The following NKAP variants were observed in gnomAD, a reference collection of about 807,000 sequenced individuals.
The protein encoded by NKAP is NFKB activating protein.
NKAP carries 4 observed loss-of-function variants against 35.6 expected under a neutral mutation model. The ratio of observed to expected loss-of-function variants is 0.11; its 90% confidence interval spans 0.06 to 0.26. The LOEUF is 0.26. Ranked by LOEUF, NKAP falls within the 10% of genes least tolerant of loss-of-function variation. NKAP has a pLI of 1.00. For synonymous variants in NKAP, 106 were observed against 119.2 expected, an observed-to-expected ratio of 0.89 and a Z score of 0.72; for missense variants, 238 against 321.9, an observed-to-expected ratio of 0.74 and a Z score of 1.99.
chrX:119,939,549 C>T (rs2056782378), intron 1 of NKAP, among the ~76,000 whole-genome samples: 3 of 111,280 alleles, frequency 2.7e-5, no homozygotes, highest in African/African-American at 9.8e-5. Context: ...GCTGGGATTA[C>T]AGGCGTGAGC....
At chrX:119,939,581 A>G (rs751043915) in intron 1 of NKAP, among the ~76,000 whole-genome samples, 1 of 111,432 alleles carries the variant, frequency 9.0e-6, no homozygotes, top group East Asian at 2.9e-4. Flanking sequence ...GCCCGAAATA[A>G]AAGTTTTTTA....
intron 1 of NKAP, 127 bp downstream of exon 1, chrX:119,943,093 G>A (rs2056801184): frequency 1.1e-6 from 1 of 881,809 alleles, no homozygotes; most frequent in African/African-American, 2.0e-5. Flanking sequence ...ATTAAAGAAA[G>A]GGATGAAAAT....
chrX:119,938,576 T>A (rs1250375694), intron 2 of NKAP, among the ~76,000 whole-genome samples, 154 bp downstream of exon 2: 4 of 112,565 alleles, frequency 3.6e-5, no homozygotes, highest in African/African-American at 1.3e-4. Context: ...AGATATGTTC[T>A]ATGTTTTTAA....
At chrX:119,939,851 A>G (rs1158150807) in intron 1 of NKAP, among the ~76,000 whole-genome samples, 1 of 108,248 alleles carries the variant, frequency 9.2e-6, no homozygotes, top group Non-Finnish European at 1.9e-5. Context: ...GTGAGCCAAG[A>G]TCGCACCACT....
intron 5 of NKAP, chrX:119,932,455 TA>T (rs60446056): frequency 0.084 from 14,281 of 169,573 alleles, 9 homozygotes; most frequent in East Asian, 0.12. Context: ...CCGTCTCTAT[TA>T]AAAAAAAAAA....
intron 5 of NKAP, chrX:119,932,538 G>A (rs1470143057): frequency 6.9e-6 from 1 of 145,734 alleles, no homozygotes; most frequent in Non-Finnish European, 1.3e-5. Flanking sequence ...AGGATCACTT[G>A]AGCCCAGGAG....
chrX:119,932,034 C>T (rs760497995), intron 6 of NKAP, 23 bp from the exon 7 acceptor site: 591 of 1,182,721 alleles, frequency 5.0e-4, no homozygotes, highest in Admixed American at 7.5e-4. Context: ...TATTAAGAAA[C>T]ACATTCACAT....
chrX:119,939,574 C>T (rs765816542), intron 1 of NKAP, among the ~76,000 whole-genome samples: 3 of 111,128 alleles, frequency 2.7e-5, no homozygotes, highest in South Asian at 7.5e-4. Context: ...GCACCGGGCC[C>T]GAAATAAAAG....
chrX:119,932,873 A>G (rs1603380052), intron 5 of NKAP: 1 of 110,198 alleles, frequency 9.1e-6, no homozygotes, highest in African/African-American at 3.3e-5. Flanking sequence ...GGTATGGGGA[A>G]AGTGGGGGCA....
chrX:119,930,280 A>G, intron 7 of NKAP, 115 bp from the exon 8 acceptor site: 1 of 725,314 alleles, frequency 1.4e-6, no homozygotes, highest in Non-Finnish European at 2.0e-6. Context: ...AAGAGTAGGA[A>G]TAACAGTGCT....
At chrX:119,936,839 C>CA in intron 2 of NKAP, 157 bp from the exon 3 acceptor site, 1 of 421,869 alleles carries the variant, frequency 2.4e-6, no homozygotes, top group South Asian at 4.2e-5. Context: ...ACTTGGGAAT[C>CA]AAAAAAACCA....
At chrX:119,931,478 C>T (rs981727119) in intron 7 of NKAP, among the ~76,000 whole-genome samples, 2 of 111,132 alleles carry the variant, frequency 1.8e-5, no homozygotes, top group Non-Finnish European at 3.8e-5. Flanking sequence ...TAAACTCCAG[C>T]CTGGGCAACA....
chrX:119,943,101 A>G, intron 1 of NKAP, 119 bp downstream of exon 1: 1 of 955,900 alleles, frequency 1.0e-6, no homozygotes, highest in South Asian at 2.4e-5. Flanking sequence ...AAGGGATGAA[A>G]ATGGGCGCAA....
Position 119,943,357 on chromosome X carries a change from C to G in NKAP, c.249G>C (p.Arg83=). The change falls in exon 1 of 9, where the codon CGG becomes CGC. Residue 83 remains arginine, a synonymous_variant. Coordinates refer to ENST00000371410, the MANE Select transcript of NKAP (RefSeq NM_024528.4). The part of the protein sequence containing the change: ...RSRSRSRSRE[R]PSAPRGIPFA... ...AGGGGATGCCCCGGGGCGCAGAGGG[C>G]CGCTCTCTAGAACGCGACCGCGAGC... 8.2e-7 allele frequency: 1 copy of G among 1,212,137 alleles called. No homozygotes were observed. The highest frequency in any genetic ancestry group is 1.1e-6 in the Non-Finnish European group (1 of 895,489).
intron 7 of NKAP, among the ~76,000 whole-genome samples, chrX:119,930,819 A>AAAAAC (rs1210394209): frequency 1.0e-5 from 1 of 97,743 alleles, no homozygotes; most frequent in Non-Finnish European, 2.0e-5. Context: ...CTTTGTCTCA[A>AAAAAC]AAAACAAAAC....
Position 119,925,174 on chromosome X carries a change from T to G in NKAP, c.*46A>C. On this transcript the variant is annotated 3_prime_UTR_variant, in exon 9 of 9. Transcript: ENST00000371410. ...TTCTATGTATGTGTGGAACCCAGAC[T>G]TTCTTTTTTGTTGTTAAAAATGTCT... is the stretch of plus-strand genomic sequence containing the variant. The G allele has an allele frequency of 1.7e-6, 2 of 1,176,113 alleles. No individual in the cohort carries two copies. The highest frequency in any genetic ancestry group is 2.3e-6 in the Non-Finnish European group (2 of 872,647).
At chrX:119,927,625 A>T (rs194297) in intron 8 of NKAP, among the ~76,000 whole-genome samples, 17 of 111,049 alleles carry the variant, frequency 1.5e-4, no homozygotes, top group Non-Finnish European at 2.3e-4. Flanking sequence ...GATTACAGGC[A>T]TGAGCCACCA....
At position 119,938,335 on chromosome X, in the gene NKAP, C is replaced by T. The variant is rs778420046; in HGVS notation, c.467+395G>A. Among the ~76,000 whole-genome samples, 64 of 109,990 alleles carry T rather than the reference C, an allele frequency of 5.8e-4. 1 individual carries two copies. The highest frequency in any genetic ancestry group is 2.0e-3 in the African/African-American group (59 of 29,987). On this transcript the variant is annotated intron_variant, in intron 2 of 8. Transcript: ENST00000371410. ...GGCGGAGGTTGCAGTGAGCTGAGAC[C>T]GCACCATTGCACTCCAGCCTGGGCG... is the stretch of plus-strand genomic sequence containing the variant.
intron 5 of NKAP, chrX:119,932,447 G>C: frequency 4.3e-6 from 1 of 231,246 alleles, no homozygotes; most frequent in South Asian, 1.1e-4. Flanking sequence ...GCAAGACCCC[G>C]TCTCTATTAA....
Sources: allele counts gnomAD v4.1 joint callset (sites outside exome capture counted in the v4.1 genomes callset), GRCh38; gene constraint gnomAD v4.1.1; transcripts MANE v1.5; gene names NCBI Gene and HGNC (gene_info 2026-07-23, HGNC 2026-07-21).